The following SNTG1 variants were observed in gnomAD, a reference collection of about 807,000 sequenced individuals.
SNTG1 encodes the protein syntrophin gamma 1.
SNTG1 carries 39 observed loss-of-function variants against 74.7 expected under a neutral mutation model. The observed-to-expected ratio is 0.52, with a 90% CI of 0.40 to 0.68. SNTG1 has a LOEUF of 0.68. SNTG1 is among the 30% of genes least tolerant of loss of function. The probability of loss-of-function intolerance (pLI) is 0.00; values close to 1 mark genes in which losing one functional copy is unlikely to be tolerated. For missense variants in SNTG1, 685 were observed against 609.5 expected (o/e 1.12, Z -1.30); for synonymous variants, 254 against 217.1 (o/e 1.17, Z -1.49).
intron 17 of SNTG1, among the ~76,000 whole-genome samples, chr8:50,713,071 AC>A (rs1311669577): frequency 6.6e-6 from 1 of 152,180 alleles, no homozygotes; most frequent in Non-Finnish European, 1.5e-5. Context: ...TTGAGGAATC[AC>A]CACACTGTCT....
At chr8:50,515,888 T>A (rs530397499) in intron 9 of SNTG1, among the ~76,000 whole-genome samples, 4 of 152,168 alleles carry the variant, frequency 2.6e-5, no homozygotes, top group South Asian at 2.1e-4. Flanking sequence ...TCAGCAGACT[T>A]AAACGTTCCT....
chr8:50,478,405 A>G (rs1350729871), intron 8 of SNTG1, among the ~76,000 whole-genome samples: 1 of 152,172 alleles, frequency 6.6e-6, no homozygotes, highest in East Asian at 1.9e-4. Flanking sequence ...CCAATTGTAG[A>G]TTTCTGAATA....
chr8:50,320,896 T>TAATAA (rs1390799492), intron 2 of SNTG1, among the ~76,000 whole-genome samples: 3 of 152,182 alleles, frequency 2.0e-5, no homozygotes, highest in Non-Finnish European at 2.9e-5. Flanking sequence ...TTATTTCATT[T>TAATAA]TGTTAAATGT....
intron 15 of SNTG1, among the ~76,000 whole-genome samples, chr8:50,671,997 G>A (rs950921201): frequency 1.5e-5 from 2 of 131,994 alleles, no homozygotes; most frequent in African/African-American, 5.8e-5. Context: ...TGAACAATGA[G>A]AACACATGGA....
In SNTG1 at chr8:50,708,927, A is replaced by T. The variant is rs1472572163; in HGVS notation, c.1233A>T (p.Gly411=). The change falls in exon 17 of 19, where the codon GGA becomes GGT. Residue 411 remains glycine (G), a synonymous_variant. Transcript: ENST00000642720. ...GTGTGCTAGAAAGTCATCTAATGGG[A>T]CTCACAATTGATTTCAGCACAGGAT... ...YACVLESHLM[G]LTIDFSTGFI... is the part of the protein sequence containing the mutation. 1.2e-6 allele frequency: 2 copies of T among 1,613,898 alleles called. No individual in the cohort carries two copies. Among genetic ancestry groups the T allele is most frequent in the Non-Finnish European group, 1.7e-6 (2 of 1,179,914 alleles).
intron 12 of SNTG1, among the ~76,000 whole-genome samples, chr8:50,585,399 CT>C (rs1245884963): frequency 1.3e-5 from 2 of 152,122 alleles, no homozygotes; most frequent in East Asian, 3.9e-4. Flanking sequence ...CCTTTGATCT[CT>C]AAAAGCCTTC....
At position 50,242,808 on chromosome 8, in the gene SNTG1, G is replaced by C. The variant is rs28717017; in HGVS notation, c.-28+70173G>C. 2.8e-3 allele frequency among the ~76,000 whole-genome samples: 420 copies of C among 150,308 alleles called. 4 individuals are homozygous for C. Among genetic ancestry groups the C allele is most frequent in the African/African-American group, 9.5e-3 (390 of 41,124 alleles). ...TATATTACCATATTATCTATTTAAA[G>C]AAAATATAAGCATGTAAATAAACAT... On this transcript the variant is annotated intron_variant, in intron 2 of 18. Coordinates refer to ENST00000642720, the MANE Select transcript of SNTG1 (RefSeq NM_018967.5).
chr8:50,623,222 A>C (rs1182320511), intron 13 of SNTG1, among the ~76,000 whole-genome samples: 1 of 152,130 alleles, frequency 6.6e-6, no homozygotes, highest in African/African-American at 2.4e-5. Flanking sequence ...AAGAAGTGGC[A>C]AAAGTGGGCC....
chr8:50,679,904 A>G (rs2095324393), intron 15 of SNTG1, among the ~76,000 whole-genome samples: 1 of 152,182 alleles, frequency 6.6e-6, no homozygotes, highest in African/African-American at 2.4e-5. Flanking sequence ...GAGAGGGTCA[A>G]GATCAGAAAT....
intron 1 of SNTG1, among the ~76,000 whole-genome samples, chr8:50,035,592 A>G (rs1818088944): frequency 1.3e-5 from 2 of 152,170 alleles, no homozygotes; most frequent in South Asian, 4.1e-4. Flanking sequence ...GCCTTCAGGA[A>G]ATGTTTCAGT....
At chr8:50,257,727 C>T (rs899892077) in intron 2 of SNTG1, among the ~76,000 whole-genome samples, 5 of 152,202 alleles carry the variant, frequency 3.3e-5, no homozygotes, top group African/African-American at 7.2e-5. Flanking sequence ...AGAGAGATAA[C>T]CAGGAAAGAG....
chr8:50,750,641 C>A (rs542692808), intron 17 of SNTG1, among the ~76,000 whole-genome samples: 69 of 152,054 alleles, frequency 4.5e-4, no homozygotes, highest in African/African-American at 1.6e-3. Flanking sequence ...AAGGCAGCAC[C>A]CTCCACCAGC....
chr8:50,271,317 A>C (rs922331139), intron 2 of SNTG1, among the ~76,000 whole-genome samples: 1 of 152,208 alleles, frequency 6.6e-6, no homozygotes, highest in Non-Finnish European at 1.5e-5. Context: ...TTTCCATTTT[A>C]ATGTTTCATA....
chr8:50,536,513 A>G (rs2094308193), intron 10 of SNTG1, among the ~76,000 whole-genome samples, 165 bp from the exon 11 acceptor site: 1 of 152,200 alleles, frequency 6.6e-6, no homozygotes, highest in South Asian at 2.1e-4. Context: ...AAGTTAACCA[A>G]TACAACTTTA....
chr8:50,506,765 T>A (rs923071663), intron 9 of SNTG1, among the ~76,000 whole-genome samples: 1 of 152,034 alleles, frequency 6.6e-6, no homozygotes, highest in African/African-American at 2.4e-5. Context: ...ACAAAGATAA[T>A]TTTACTTCTT....
At chr8:50,761,083 A>C (rs1213081086) in intron 18 of SNTG1, among the ~76,000 whole-genome samples, 2 of 151,990 alleles carry the variant, frequency 1.3e-5, no homozygotes, top group Non-Finnish European at 2.9e-5. Flanking sequence ...AGAAAATTTC[A>C]GGCCAATATC....
chr8:50,516,432 G>C (rs1563510788), intron 9 of SNTG1, among the ~76,000 whole-genome samples: 1 of 152,230 alleles, frequency 6.6e-6, no homozygotes, highest in East Asian at 1.9e-4. Context: ...AACAAAACTG[G>C]ATGGAGAATG....
chr8:50,106,723 A>G (rs966952202), intron 1 of SNTG1, among the ~76,000 whole-genome samples: 13 of 152,128 alleles, frequency 8.5e-5, no homozygotes, highest in Admixed American at 7.2e-4. Flanking sequence ...TCCTTCTTGC[A>G]TTCTCATGAG....
At chr8:50,075,653 T>C (rs757461046) in intron 1 of SNTG1, among the ~76,000 whole-genome samples, 9 of 152,128 alleles carry the variant, frequency 5.9e-5, no homozygotes, top group East Asian at 1.9e-4. Flanking sequence ...CTTTGTTCTT[T>C]CAGTAAATCT....
Sources: allele counts gnomAD v4.1 joint callset (sites outside exome capture counted in the v4.1 genomes callset), GRCh38; gene constraint gnomAD v4.1.1; transcripts MANE v1.5; gene names NCBI Gene and HGNC (gene_info 2026-07-23, HGNC 2026-07-21).